The following POLN variants were observed in gnomAD, a reference collection of about 807,000 sequenced individuals.
POLN encodes the protein DNA polymerase nu.
A neutral mutation model predicts 113.5 loss-of-function variants in POLN; 108 were observed. The observed-to-expected ratio is 0.95, with a 90% CI of 0.81 to 1.12. The LOEUF is 1.12. POLN is among the 50% of genes most tolerant of loss of function. The pLI, the probability that POLN is intolerant of heterozygous loss-of-function variation, is 0.00. For missense variants in POLN, 1,097 were observed against 1,077.1 expected (o/e 1.02, Z -0.26); for synonymous variants, 386 against 391.5 (o/e 0.99, Z 0.17).
intron 3 of POLN, among the ~76,000 whole-genome samples, chr4:2,219,564 G>C (rs1734202045): frequency 6.6e-6 from 1 of 152,032 alleles, no homozygotes; most frequent in South Asian, 2.1e-4. Context: ...CCTATTATCA[G>C]CCCTGGTCTA....
At chr4:2,194,768 T>A (rs1733534461) in intron 6 of POLN, among the ~76,000 whole-genome samples, 1 of 152,106 alleles carries the variant, frequency 6.6e-6, no homozygotes, top group South Asian at 2.1e-4. Flanking sequence ...CCTGTAGTCC[T>A]AAAGTCCTAG....
chr4:2,141,390 G>A (rs938804398), intron 16 of POLN, among the ~76,000 whole-genome samples: 3 of 152,134 alleles, frequency 2.0e-5, no homozygotes, highest in African/African-American at 7.2e-5. Flanking sequence ...TCCCAAGGTG[G>A]TGTCTGGGGT....
intron 6 of POLN, among the ~76,000 whole-genome samples, chr4:2,197,348 A>G (rs1733605469): frequency 6.6e-6 from 1 of 152,232 alleles, no homozygotes; most frequent in Non-Finnish European, 1.5e-5. Context: ...GATTCTATCT[A>G]CACTTGAAGG....
rs941289816 is a variant in POLN at position 2,093,598 on chromosome 4, A to C, written c.2065+2253T>G. ...AGCAGAAGCAAATGTTATGTTTGCAACACAAGATGCAGCAGGATGCAAGGC... is the reference window on the plus strand; with the variant it reads ...AGCAGAAGCAAATGTTATGTTTGCACCACAAGATGCAGCAGGATGCAAGGC... On this transcript the variant is annotated intron_variant, in intron 20 of 25. Transcript: ENST00000511885. The surrounding 1 kb of genome is among the most constrained non-coding windows in gnomAD (Gnocchi z 4.1). 6.6e-6 allele frequency among the ~76,000 whole-genome samples: 1 copy of C among 152,216 alleles called. No homozygotes were observed. Among genetic ancestry groups the C allele is most frequent in the Non-Finnish European group, 1.5e-5 (1 of 68,032 alleles).
chr4:2,130,507 A>C (rs1731699441), intron 17 of POLN, among the ~76,000 whole-genome samples: 1 of 152,254 alleles, frequency 6.6e-6, no homozygotes, highest in South Asian at 2.1e-4. Context: ...ACCCATCAGC[A>C]TCACAGCAGA....
intron 21 of POLN, 150 bp from the exon 22 acceptor site, chr4:2,081,893 G>A: frequency 1.6e-6 from 1 of 625,436 alleles, no homozygotes; most frequent in East Asian, 2.8e-5. Context: ...GTCTATCATG[G>A]GGGCAAGTGG....
At chr4:2,204,935 A>G (rs1733807558) in intron 5 of POLN, among the ~76,000 whole-genome samples, 1 of 152,212 alleles carries the variant, frequency 6.6e-6, no homozygotes. Context: ...TACAAGGGAC[A>G]TATCTTAATG....
chr4:2,235,000 G>A (rs1024877790), intron 2 of POLN, among the ~76,000 whole-genome samples: 1 of 152,126 alleles, frequency 6.6e-6, no homozygotes, highest in Non-Finnish European at 1.5e-5. Flanking sequence ...ATTCTCCTGT[G>A]TCAGCCTCCC....
intron 19 of POLN, among the ~76,000 whole-genome samples, chr4:2,121,537 T>C (rs1731442844): frequency 6.6e-6 from 1 of 151,790 alleles, no homozygotes; most frequent in African/African-American, 2.4e-5. Context: ...ATTTCTTAAA[T>C]AGTTATAGGA....
rs1730720811 is a variant in POLN at position 2,093,874 on chromosome 4, T to G, written c.2065+1977A>C. Among the ~76,000 whole-genome samples the G allele has an allele frequency of 6.6e-6, 1 of 152,186 alleles. No individual in the cohort carries two copies. The highest frequency in any genetic ancestry group is 1.5e-5 in the Non-Finnish European group (1 of 68,028). On this transcript the variant is annotated intron_variant, in intron 20 of 25. Transcript: ENST00000511885. The surrounding 1 kb of genome is among the most constrained non-coding windows in gnomAD (Gnocchi z 4.1). ...CAAAAGTGGAGCTGAGACCACCAAG[T>G]CCACTAATTTGTTCCTGTGTCTTCT...
At chr4:2,089,451 A>G in intron 20 of POLN, 1 of 1,410,810 alleles carries the variant, frequency 7.1e-7, no homozygotes, top group Non-Finnish European at 9.6e-7. Context: ...ACTGGCTTAT[A>G]TTGTTTTCTT....
intron 19 of POLN, among the ~76,000 whole-genome samples, chr4:2,103,938 C>T (rs1403954850): frequency 1.3e-5 from 2 of 152,188 alleles, no homozygotes; most frequent in African/African-American, 4.8e-5. Flanking sequence ...GTATTTGTCA[C>T]CACTAGACCG....
chr4:2,216,558 G>C (rs115246732), intron 3 of POLN, among the ~76,000 whole-genome samples: 1 of 152,202 alleles, frequency 6.6e-6, no homozygotes, highest in Non-Finnish European at 1.5e-5. Flanking sequence ...GTGTGGCTGT[G>C]AGGGAGACAG....
At chr4:2,072,445 A>ACGTG in intron 25 of POLN, 146 bp from the exon 26 acceptor site, 2 of 684,956 alleles carry the variant, frequency 2.9e-6, no homozygotes, top group Non-Finnish European at 4.8e-6. Flanking sequence ...ACACATGTGC[A>ACGTG]TACACGTGCA....
At chr4:2,162,773 T>C (rs1202421098) in intron 13 of POLN, among the ~76,000 whole-genome samples, 1 of 152,100 alleles carries the variant, frequency 6.6e-6, no homozygotes, top group Non-Finnish European at 1.5e-5. Context: ...TATTTTTTTT[T>C]TACCTTTAAG....
At chr4:2,228,009 G>A (rs1734442641) in intron 3 of POLN, 1 of 152,274 alleles carries the variant, frequency 6.6e-6, no homozygotes, top group South Asian at 2.1e-4. Context: ...AAGTATATAA[G>A]CAACAGATGC....
At chr4:2,134,402 G>C (rs1163245937) in intron 16 of POLN, among the ~76,000 whole-genome samples, 1 of 152,142 alleles carries the variant, frequency 6.6e-6, no homozygotes, top group African/African-American at 2.4e-5. Flanking sequence ...GGATCATATG[G>C]TATTTAGTTT....
chr4:2,082,732 C>T (rs541641128), intron 21 of POLN: 15 of 152,320 alleles, frequency 9.8e-5, no homozygotes, highest in African/African-American at 2.6e-4. Flanking sequence ...AGTGAGGACA[C>T]GAGAGATCTT....
intron 13 of POLN, among the ~76,000 whole-genome samples, chr4:2,168,558 G>A (rs1018778608): frequency 1.3e-5 from 2 of 152,206 alleles, no homozygotes; most frequent in South Asian, 4.1e-4. Context: ...AGAGCACATC[G>A]GCACCAGAAG....
Sources: gnomAD v4.1 joint callset for allele counts (sites outside exome capture counted in the v4.1 genomes callset) on GRCh38, gnomAD v4.1.1 for gene constraint, Gnocchi (gnomAD v3.1) non-coding constraint, MANE v1.5 for transcripts, NCBI Gene and HGNC (gene_info 2026-07-23, HGNC 2026-07-21) for gene names.